Variants in VPS13B observed in about 807,000 individuals in gnomAD.
VPS13B encodes the protein vacuolar protein sorting 13 homolog B.
A neutral mutation model predicts 426.4 loss-of-function variants in VPS13B; 285 were observed. That is an observed-to-expected ratio of 0.67 (90% CI 0.61 to 0.74). The LOEUF (loss-of-function observed/expected upper bound fraction) is 0.74, where lower values mean the gene tolerates loss of function less well. Among genes scored for constraint, VPS13B ranks in the 30% least tolerant of loss-of-function variants. VPS13B has a pLI of 0.00. For missense variants in VPS13B, 4,537 were observed against 4,782.6 expected (o/e 0.95, Z 1.51); for synonymous variants, 1,676 against 1,676.4 (o/e 1.00, Z 0.01).
At chr8:99,519,269 T>C (rs1822247139) in intron 29 of VPS13B, among the ~76,000 whole-genome samples, 2 of 152,142 alleles carry the variant, frequency 1.3e-5, no homozygotes, top group South Asian at 4.1e-4. Flanking sequence ...CTCACACCAG[T>C]TAGAATGGTG....
chr8:99,437,853 A>G (rs1817470127), intron 22 of VPS13B, among the ~76,000 whole-genome samples: 1 of 152,176 alleles, frequency 6.6e-6, no homozygotes, highest in Non-Finnish European at 1.5e-5. Flanking sequence ...CTATGTTTTT[A>G]TTCCAGAAGC....
intron 19 of VPS13B, among the ~76,000 whole-genome samples, chr8:99,368,714 A>G (rs183442657): frequency 2.5e-3 from 382 of 152,296 alleles, no homozygotes; most frequent in Non-Finnish European, 4.7e-3. Flanking sequence ...TGTACCCCAA[A>G]TCCCCCAATC....
intron 17 of VPS13B, among the ~76,000 whole-genome samples, chr8:99,271,548 T>C (rs1185004101): frequency 6.6e-6 from 1 of 152,070 alleles, no homozygotes; most frequent in African/African-American, 2.4e-5. Context: ...AATTAGCAAA[T>C]TGATAGCTCC....
chr8:99,855,953 G>C (rs1384423449), intron 56 of VPS13B, among the ~76,000 whole-genome samples: 1 of 152,184 alleles, frequency 6.6e-6, no homozygotes, highest in Admixed American at 6.5e-5. Context: ...GGCAGCCTTT[G>C]CTTTTTCACA....
chr8:99,314,524 A>G (rs981316450), intron 19 of VPS13B, among the ~76,000 whole-genome samples: 6 of 152,160 alleles, frequency 3.9e-5, no homozygotes, highest in African/African-American at 1.2e-4. Flanking sequence ...AGGGTATTGA[A>G]GTCCCCAACT....
intron 30 of VPS13B, among the ~76,000 whole-genome samples, chr8:99,529,025 A>G (rs1199627811): frequency 1.3e-5 from 2 of 152,106 alleles, no homozygotes; most frequent in Non-Finnish European, 2.9e-5. Flanking sequence ...TTAAAAATTT[A>G]TAAATAAATT....
chr8:99,179,728 C>A (rs1224018481), intron 16 of VPS13B, among the ~76,000 whole-genome samples: 1 of 152,070 alleles, frequency 6.6e-6, no homozygotes, highest in Non-Finnish European at 1.5e-5. Flanking sequence ...TAAGAAACAT[C>A]TCTTTTTCTG....
Position 99,029,716 on chromosome 8 carries a change from G to A in VPS13B, c.148-8707G>A, listed in dbSNP as rs138793284. ...AGGCAGGGATTTTGCAGTGAGCCGA[G>A]ATGGCAGCAGTACAGTCCAGCTTTG... is the stretch of plus-strand genomic sequence containing the variant. On this transcript the variant is annotated intron_variant, in intron 2 of 61. Transcript: ENST00000357162. 8.4e-3 allele frequency among the ~76,000 whole-genome samples: 1,270 copies of A among 151,758 alleles called. 22 individuals carry two copies. The highest frequency in any genetic ancestry group is 0.029 in the African/African-American group (1,206 of 41,348).
chr8:99,613,158 T>G (rs1201154239), intron 33 of VPS13B, among the ~76,000 whole-genome samples: 1 of 152,100 alleles, frequency 6.6e-6, no homozygotes, highest in Non-Finnish European at 1.5e-5. Context: ...CAAAGTCTGA[T>G]TCATCTTTAG....
At chr8:99,299,028 G>A (rs182527829) in intron 19 of VPS13B, among the ~76,000 whole-genome samples, 1 of 149,064 alleles carries the variant, frequency 6.7e-6, no homozygotes, top group Admixed American at 6.7e-5. Context: ...TCCAAAGAGC[G>A]ATCTTGGCCA....
intron 19 of VPS13B, among the ~76,000 whole-genome samples, chr8:99,326,746 T>C (rs1810301189): frequency 6.6e-6 from 1 of 152,104 alleles, no homozygotes; most frequent in South Asian, 2.1e-4. Context: ...CTCCTACAAA[T>C]ATATCATTTA....
intron 39 of VPS13B, among the ~76,000 whole-genome samples, chr8:99,739,576 T>A (rs1047694988): frequency 5.9e-5 from 9 of 152,122 alleles, no homozygotes; most frequent in Non-Finnish European, 1.0e-4. Context: ...CACCCCCAAG[T>A]GGGGCAGACT....
At chr8:99,436,848 C>T (rs1019750917) in intron 22 of VPS13B, among the ~76,000 whole-genome samples, 6 of 152,080 alleles carry the variant, frequency 3.9e-5, no homozygotes, top group African/African-American at 1.4e-4. Context: ...ATGCCATTCT[C>T]CTGCCTCAGC....
intron 33 of VPS13B, among the ~76,000 whole-genome samples, chr8:99,627,447 G>A (rs1030871130): frequency 3.3e-5 from 5 of 151,702 alleles, no homozygotes; most frequent in South Asian, 2.1e-4. Flanking sequence ...GTGGAATCTC[G>A]CTCTGTCTCC....
At chr8:99,803,857 G>C (rs1407990015) in intron 43 of VPS13B, among the ~76,000 whole-genome samples, 2 of 152,130 alleles carry the variant, frequency 1.3e-5, no homozygotes, top group East Asian at 1.9e-4. Flanking sequence ...ATTTTGGATA[G>C]ACAAGAATTA....
chr8:99,632,990 A>C (rs1186851232), intron 33 of VPS13B, among the ~76,000 whole-genome samples: 1 of 152,016 alleles, frequency 6.6e-6, no homozygotes, highest in African/African-American at 2.4e-5. Context: ...GTAATAATGA[A>C]AATCAAGTCA....
intron 39 of VPS13B, among the ~76,000 whole-genome samples, chr8:99,746,822 G>C (rs1476426158): frequency 9.2e-5 from 14 of 152,066 alleles, no homozygotes; most frequent in Admixed American, 9.2e-4. Flanking sequence ...CATCAATAAA[G>C]CAATGCTAAT....
At chr8:99,267,179 A>C (rs1818351245) in intron 17 of VPS13B, among the ~76,000 whole-genome samples, 1 of 152,186 alleles carries the variant, frequency 6.6e-6, no homozygotes, top group African/African-American at 2.4e-5. Flanking sequence ...TGACAGTGAT[A>C]TGGACAATGA....
At chr8:99,601,870 A>T (rs1297998536) in intron 33 of VPS13B, among the ~76,000 whole-genome samples, 2 of 152,096 alleles carry the variant, frequency 1.3e-5, no homozygotes, top group East Asian at 3.9e-4. Context: ...AAATTTGTTT[A>T]AGTTCTTTGT....
Sources: allele counts gnomAD v4.1 joint callset (sites outside exome capture counted in the v4.1 genomes callset), GRCh38; gene constraint gnomAD v4.1.1; transcripts MANE v1.5; gene names NCBI Gene and HGNC (gene_info 2026-07-23, HGNC 2026-07-21).